Variants in PREX1 observed in about 807,000 individuals in gnomAD.
The protein encoded by PREX1 is phosphatidylinositol 3,4,5-trisphosphate-dependent Rac exchanger 1 protein.
PREX1 carries 41 observed loss-of-function variants against 198.3 expected under a neutral mutation model. That is an observed-to-expected ratio of 0.21 (90% CI 0.16 to 0.27). PREX1 has a LOEUF of 0.27. Among genes scored for constraint, PREX1 ranks in the 10% least tolerant of loss-of-function variants. The pLI, the probability that PREX1 is intolerant of heterozygous loss-of-function variation, is 1.00. For missense variants in PREX1, 1,620 were observed against 2,200.7 expected, an observed-to-expected ratio of 0.74 and a Z score of 5.28; for synonymous variants, 843 against 887.2, an observed-to-expected ratio of 0.95 and a Z score of 0.89.
At chr20:48,816,438 A>C (rs1272675598) in intron 1 of PREX1, among the ~76,000 whole-genome samples, 1 of 152,210 alleles carries the variant, frequency 6.6e-6, no homozygotes, top group Non-Finnish European at 1.5e-5. Flanking sequence ...GGGATTTTGC[A>C]GATATAATCA....
chr20:48,854,250 G>C, the PREX1 span, among the ~76,000 whole-genome samples: 1 of 152,228 alleles, frequency 6.6e-6, no homozygotes, highest in African/African-American at 2.4e-5. Context: ...TTCACCTCCA[G>C]GGGAGGAGAT....
At chr20:48,877,271 CAAA>C in the PREX1 span, among the ~76,000 whole-genome samples, 2 of 112,792 alleles carry the variant, frequency 1.8e-5, no homozygotes, top group Non-Finnish European at 1.9e-5. Flanking sequence ...AACTCCATCT[CAAA>C]AAAAAAAAAA....
At chr20:48,767,033 G>A (rs958240415) in intron 1 of PREX1, among the ~76,000 whole-genome samples, 1 of 152,192 alleles carries the variant, frequency 6.6e-6, no homozygotes, top group Non-Finnish European at 1.5e-5. Context: ...CTCAGGGCCT[G>A]CTGACCTGGT....
At chr20:48,718,475 C>T (rs557580003) in intron 5 of PREX1, among the ~76,000 whole-genome samples, 76 of 152,068 alleles carry the variant, frequency 5.0e-4, no homozygotes, top group African/African-American at 1.7e-3. Context: ...CACGGAAAGA[C>T]GCAAAAGCAT....
At chr20:48,798,738 T>C (rs2090373581) in intron 1 of PREX1, among the ~76,000 whole-genome samples, 1 of 152,144 alleles carries the variant, frequency 6.6e-6, no homozygotes, top group Non-Finnish European at 1.5e-5. Flanking sequence ...GTGGAGGAGC[T>C]TTGGCATGCA....
At chr20:48,679,902 C>G in intron 11 of PREX1, 148 bp from the exon 12 acceptor site, 1 of 653,922 alleles carries the variant, frequency 1.5e-6, no homozygotes, top group East Asian at 2.7e-5. Flanking sequence ...GCTGGCCAGG[C>G]TTTTTTTTCA....
upstream of PREX1, among the ~76,000 whole-genome samples, chr20:48,829,474 C>CT (rs1300306685): frequency 2.6e-5 from 4 of 152,222 alleles, no homozygotes; most frequent in East Asian, 7.7e-4. Flanking sequence ...TCTGCCCTCT[C>CT]TGACTTCTTT....
At chr20:48,649,951 G>C (rs369565841) in intron 24 of PREX1, 45 bp downstream of exon 24, 3 of 1,598,276 alleles carry the variant, frequency 1.9e-6, no homozygotes, top group Non-Finnish European at 2.6e-6. Context: ...TAAGTATCTG[G>C]AGTGCAACAT....
intron 1 of PREX1, among the ~76,000 whole-genome samples, chr20:48,819,137 C>A (rs1455149469): frequency 1.3e-5 from 2 of 152,166 alleles, no homozygotes; most frequent in East Asian, 3.8e-4. Context: ...ACCAACTGAC[C>A]CATGCCATAT....
At chr20:48,704,037 T>C (rs1458701278) in intron 6 of PREX1, among the ~76,000 whole-genome samples, 1 of 152,156 alleles carries the variant, frequency 6.6e-6, no homozygotes, top group Non-Finnish European at 1.5e-5. Context: ...TCAAAGCCAA[T>C]ACATGCGTAG....
At chr20:48,642,609 C>A in intron 27 of PREX1, 120 bp from the exon 28 acceptor site, 2 of 875,596 alleles carry the variant, frequency 2.3e-6, no homozygotes, top group Non-Finnish European at 1.7e-6. Context: ...GATGTGGAGT[C>A]TGAAGACCAG....
chr20:48,741,770 C>T (rs56048565), intron 3 of PREX1, among the ~76,000 whole-genome samples: 6,976 of 152,198 alleles, frequency 0.046, 210 homozygotes, highest in Non-Finnish European at 0.067. Flanking sequence ...ATGGCATTTC[C>T]AAAAAGCTTT....
chr20:48,661,444 A>AAAAAAAAATATATATATATAT (rs1555832820), intron 15 of PREX1, among the ~76,000 whole-genome samples: 1 of 49,600 alleles, frequency 2.0e-5, no homozygotes, highest in Non-Finnish European at 3.1e-5. Context: ...AAAAAAAAAA[A>AAAAAAAAATATATATATATAT]ATATATATAT....
At chr20:48,815,801 GT>G (rs2090456258) in intron 1 of PREX1, among the ~76,000 whole-genome samples, 1 of 152,116 alleles carries the variant, frequency 6.6e-6, no homozygotes, top group Non-Finnish European at 1.5e-5. Flanking sequence ...GAGGTCAGGG[GT>G]TTGAGACCAC....
chr20:48,799,738 C>G (rs1328767774), intron 1 of PREX1, among the ~76,000 whole-genome samples: 1 of 152,122 alleles, frequency 6.6e-6, no homozygotes, highest in Non-Finnish European at 1.5e-5. Flanking sequence ...TCTGTCCCCC[C>G]ACAACAGGGC....
chr20:48,712,137 T>C (rs1321917501), intron 5 of PREX1, among the ~76,000 whole-genome samples: 1 of 152,260 alleles, frequency 6.6e-6, no homozygotes, highest in Non-Finnish European at 1.5e-5. Context: ...TGAAACTGTG[T>C]TCTTCCTTCT....
intron 5 of PREX1, among the ~76,000 whole-genome samples, chr20:48,718,678 A>C (rs1182334483): frequency 1.3e-5 from 2 of 152,250 alleles, no homozygotes; most frequent in East Asian, 1.9e-4. Flanking sequence ...GGTCAACCAC[A>C]AAAGGAGAAA....
chr20:48,709,174 A>G (rs1421835206), intron 5 of PREX1, among the ~76,000 whole-genome samples: 1 of 152,182 alleles, frequency 6.6e-6, no homozygotes, highest in Non-Finnish European at 1.5e-5. Context: ...TGAGATATCA[A>G]GGAAGATTTT....
chr20:48,679,789 G>GC (rs1568820426), intron 11 of PREX1, 35 bp from the exon 12 acceptor site: 1 of 1,510,604 alleles, frequency 6.6e-7, no homozygotes, highest in Non-Finnish European at 9.2e-7. Flanking sequence ...CGCTGGGCAC[G>GC]CCCCCTCAGC....
Sources: allele counts gnomAD v4.1 joint callset (sites outside exome capture counted in the v4.1 genomes callset), GRCh38; gene constraint gnomAD v4.1.1; transcripts MANE v1.5; gene names NCBI Gene and HGNC (gene_info 2026-07-23, HGNC 2026-07-21).